Variants in RUNX1 observed in about 807,000 individuals in gnomAD.
The protein encoded by RUNX1 is runt-related transcription factor 1.
RUNX1 carries 19 observed loss-of-function variants against 42.8 expected under a neutral mutation model. That is an observed-to-expected ratio of 0.44 (90% CI 0.31 to 0.65). The LOEUF is 0.65. Ranked by LOEUF, RUNX1 falls within the 30% of genes least tolerant of loss-of-function variation. The pLI, the probability that RUNX1 is intolerant of heterozygous loss-of-function variation, is 0.07. For missense variants in RUNX1, 528 were observed against 672.0 expected, an observed-to-expected ratio of 0.79 and a Z score of 2.37; for synonymous variants, 271 against 289.4, an observed-to-expected ratio of 0.94 and a Z score of 0.64.
intron 5 of RUNX1, among the ~76,000 whole-genome samples, chr21:34,879,639 T>G (rs1187131783): frequency 6.6e-6 from 1 of 152,224 alleles, no homozygotes; most frequent in African/African-American, 2.4e-5. Flanking sequence ...TTGAAATAAC[T>G]TATTTGTAAG....
rs2056433202 is a variant in RUNX1 at position 34,791,451 on chromosome 21, AC to A, written c.*683del. On this transcript the variant is annotated 3_prime_UTR_variant, in exon 9 of 9. Transcript: ENST00000675419. ...CTGTTTCTCAAAAAAACAAAACAAAACAAAAAAAAACAACTACCCAAAAGTC... is the reference window on the plus strand; with the variant it reads ...CTGTTTCTCAAAAAAACAAAACAAAAAAAAAAAAACAACTACCCAAAAGTC... 4.3e-6 allele frequency: 1 copy of A among 232,328 alleles called. No homozygotes were observed. Among genetic ancestry groups the A allele is most frequent in the African/African-American group, 2.2e-5 (1 of 45,264 alleles). The allele number at this position is 232,328 out of a possible 1,614,324, so 14.4% of individuals were successfully genotyped here.
At chr21:34,993,695 G>GCA (rs1170852901) in intron 2 of RUNX1, among the ~76,000 whole-genome samples, 7 of 20,246 alleles carry the variant, frequency 3.5e-4, no homozygotes, top group Non-Finnish European at 7.2e-4. Flanking sequence ...ACACACAGGC[G>GCA]CACACACACA....
chr21:34,828,908 T>C (rs2057026851), intron 7 of RUNX1, among the ~76,000 whole-genome samples: 1 of 152,192 alleles, frequency 6.6e-6, no homozygotes, highest in South Asian at 2.1e-4. Context: ...GTCTATAATA[T>C]ATAAGACTAC....
chr21:34,855,849 C>T (rs2057488532), intron 6 of RUNX1, among the ~76,000 whole-genome samples: 1 of 152,232 alleles, frequency 6.6e-6, no homozygotes, highest in African/African-American at 2.4e-5. Flanking sequence ...TAACCGAAAA[C>T]AGAGCCCACC....
At chr21:35,022,343 T>G (rs2059204854) in intron 2 of RUNX1, among the ~76,000 whole-genome samples, 1 of 152,074 alleles carries the variant, frequency 6.6e-6, no homozygotes, top group Admixed American at 6.5e-5. Flanking sequence ...AGTCCGCTGG[T>G]TTTCTAGCCT....
At chr21:35,046,351 A>G (rs945411399) in intron 2 of RUNX1, among the ~76,000 whole-genome samples, 1 of 152,232 alleles carries the variant, frequency 6.6e-6, no homozygotes, top group Admixed American at 6.5e-5. Context: ...CTGGCTAAAA[A>G]TGAGTTACAG....
intron 7 of RUNX1, among the ~76,000 whole-genome samples, chr21:34,805,289 C>T (rs1271539402): frequency 6.6e-6 from 1 of 152,108 alleles, no homozygotes; most frequent in Non-Finnish European, 1.5e-5. Context: ...AAAAAGAAAA[C>T]AGTGGAAGAA....
chr21:34,881,962 C>G (rs184886513), intron 4 of RUNX1, among the ~76,000 whole-genome samples: 1 of 152,172 alleles, frequency 6.6e-6, no homozygotes, highest in Non-Finnish European at 1.5e-5. Context: ...ACATTCTTTA[C>G]GGTAAAGTCA....
At chr21:35,046,230 C>T (rs973940800) in intron 2 of RUNX1, among the ~76,000 whole-genome samples, 1 of 152,182 alleles carries the variant, frequency 6.6e-6, no homozygotes, top group Non-Finnish European at 1.5e-5. Context: ...TGGTAGACCA[C>T]ATCAATTTCA....
chr21:34,815,103 C>A lies in RUNX1; in HGVS notation c.806-15641G>T, dbSNP rs117511504. Among the ~76,000 whole-genome samples, 124 of 152,142 alleles carry A rather than the reference C, an allele frequency of 8.2e-4. 1 individual carries two copies. In the East Asian group the frequency reaches 0.023, roughly 28 times the overall value. On this transcript the variant is annotated intron_variant, in intron 7 of 8. Transcript: ENST00000675419. ...AAATTAAAAAGCAAACCAGTCTCAA[C>A]AGCACCTCTGAATTACCTTCCCCTT...
chr21:34,873,939 A>G (rs1265101005), intron 5 of RUNX1, among the ~76,000 whole-genome samples: 2 of 152,232 alleles, frequency 1.3e-5, no homozygotes, highest in Non-Finnish European at 2.9e-5. Context: ...CCCGCCAGGG[A>G]GCCGACAAAA....
At chr21:34,960,751 TG>T (rs1183292738) in intron 2 of RUNX1, among the ~76,000 whole-genome samples, 1 of 152,190 alleles carries the variant, frequency 6.6e-6, no homozygotes, top group Non-Finnish European at 1.5e-5. Flanking sequence ...CTTATGGTGC[TG>T]GCTGTGACCG....
chr21:34,834,449 A>G lies in RUNX1; in HGVS notation c.766T>C (p.Ser256Pro). ...TGAGGCTGAGGGTTAAAGGCAGTGG[A>G]GTGGTTCAGGGAGGCACGAGGGTTG... ...TPNPRASLNHSTAFNPQPQSQ... is the reference protein window; with the variant it reads ...TPNPRASLNHPTAFNPQPQSQ... The change falls in exon 7 of 9, where the codon TCC becomes CCC. Residue 256 changes from serine to proline, a missense_variant. Ser to Pro is a moderately conservative substitution (Grantham distance 74). Coordinates refer to ENST00000675419, the MANE Select transcript of RUNX1 (RefSeq NM_001754.5). The G allele has an allele frequency of 1.2e-6, 2 of 1,606,012 alleles. No individual in the cohort carries two copies. Among genetic ancestry groups the G allele is most frequent in the Non-Finnish European group, 1.7e-6 (2 of 1,175,316 alleles).
At chr21:34,970,811 T>A (rs2058758587) in intron 2 of RUNX1, among the ~76,000 whole-genome samples, 1 of 152,158 alleles carries the variant, frequency 6.6e-6, no homozygotes, top group Non-Finnish European at 1.5e-5. Flanking sequence ...AGTTGGTCAA[T>A]CTGGGTGAAG....
At chr21:34,828,125 C>A (rs534383630) in intron 7 of RUNX1, among the ~76,000 whole-genome samples, 1 of 152,186 alleles carries the variant, frequency 6.6e-6, no homozygotes, top group Non-Finnish European at 1.5e-5. Flanking sequence ...CTGAGCCCAG[C>A]AAAACTGTAG....
chr21:35,048,578 G>A lies in RUNX1; in HGVS notation c.58+264C>T, dbSNP rs9981811. 0.068 allele frequency among the ~76,000 whole-genome samples: 10,418 copies of A among 152,212 alleles called. 342 individuals carry two copies. Among genetic ancestry groups the A allele is most frequent in the Middle Eastern group, 0.1 (30 of 294 alleles). On this transcript the variant is annotated intron_variant, in intron 2 of 8. Coordinates refer to ENST00000675419, the MANE Select transcript of RUNX1 (RefSeq NM_001754.5). Reference sequence around the variant, plus strand: ...TAAACAAGACCAGCACAACTTACTCGCACTTGACAAAGTTCTCACGCACCG... The same window carrying A: ...TAAACAAGACCAGCACAACTTACTCACACTTGACAAAGTTCTCACGCACCG...
At chr21:34,934,516 T>C (rs779763478) in intron 2 of RUNX1, among the ~76,000 whole-genome samples, 7 of 152,148 alleles carry the variant, frequency 4.6e-5, no homozygotes, top group Non-Finnish European at 1.0e-4. Flanking sequence ...ACACAAATAT[T>C]GGTCCAGCTC....
At chr21:35,027,547 T>G (rs1002501316) in intron 2 of RUNX1, among the ~76,000 whole-genome samples, 6 of 152,206 alleles carry the variant, frequency 3.9e-5, no homozygotes, top group South Asian at 2.1e-4. Context: ...TGGAGCCACC[T>G]TGCTAATGGA....
chr21:34,889,152 C>CG (rs5843690), intron 3 of RUNX1, among the ~76,000 whole-genome samples: 151,764 of 151,770 alleles, frequency 1, 75,879 homozygotes, highest in Middle Eastern at 1. Context: ...GCTCCCGAAC[C>CG]GGGCTGCAGC....
Sources: gnomAD v4.1 joint callset for allele counts (sites outside exome capture counted in the v4.1 genomes callset) on GRCh38, gnomAD v4.1.1 for gene constraint, MANE v1.5 for transcripts, NCBI Gene and HGNC (gene_info 2026-07-23, HGNC 2026-07-21) for gene names.